JAM3: variants seen among roughly 807,000 people sequenced by gnomAD.
JAM3 encodes junctional adhesion molecule 3.
JAM3 carries 31 observed loss-of-function variants against 39.4 expected under a neutral mutation model. That is an observed-to-expected ratio of 0.79 (90% CI 0.59 to 1.06). The LOEUF (loss-of-function observed/expected upper bound fraction) is 1.06. Among genes scored for constraint, JAM3 ranks in the 50% least tolerant of loss-of-function variants. The pLI is 0.00. For synonymous variants in JAM3, 182 were observed against 148.7 expected (o/e 1.22, Z -1.63); for missense variants, 455 against 391.4 (o/e 1.16, Z -1.37).
intron 1 of JAM3, among the ~76,000 whole-genome samples, chr11:134,107,129 A>C (rs1401913424): frequency 1.3e-5 from 2 of 152,248 alleles, no homozygotes; most frequent in Non-Finnish European, 2.9e-5. Context: ...TGGCACATAT[A>C]CACCATGGAA....
chr11:134,149,021 C>G, intron 8 of JAM3, 125 bp from the exon 9 acceptor site: 1 of 1,188,368 alleles, frequency 8.4e-7, no homozygotes, highest in South Asian at 1.2e-5. Context: ...TTTGCAAGCG[C>G]TAGTGATGGT....
intron 1 of JAM3, among the ~76,000 whole-genome samples, chr11:134,111,674 G>A (rs1942314220): frequency 6.6e-6 from 1 of 152,104 alleles, no homozygotes; most frequent in Non-Finnish European, 1.5e-5. Flanking sequence ...GAATAAGGAA[G>A]AAAATGGGAA....
intron 1 of JAM3, among the ~76,000 whole-genome samples, chr11:134,091,836 GTT>G (rs36015656): frequency 0.15 from 21,913 of 141,412 alleles, 1,792 homozygotes; most frequent in African/African-American, 0.22. Context: ...GGGGGTGTGG[GTT>G]TTTTTTTTTT....
intron 1 of JAM3, among the ~76,000 whole-genome samples, chr11:134,095,239 A>G (rs1941957082): frequency 2.0e-5 from 3 of 152,212 alleles, no homozygotes; most frequent in South Asian, 2.1e-4. Context: ...GAAGAAATAC[A>G]CCTGTTAGGA....
At chr11:134,078,911 C>A (rs531360929) in intron 1 of JAM3, among the ~76,000 whole-genome samples, 1 of 152,090 alleles carries the variant, frequency 6.6e-6, no homozygotes, top group African/African-American at 2.4e-5. Flanking sequence ...TGGTGACATG[C>A]GCCTGTAATC....
chr11:134,126,610 G>A (rs1383626276), intron 1 of JAM3: 1 of 152,210 alleles, frequency 6.6e-6, no homozygotes, highest in East Asian at 1.9e-4. Context: ...GTTCAAACAT[G>A]AGCACACAGA....
intron 6 of JAM3, among the ~76,000 whole-genome samples, chr11:134,146,536 A>C (rs1038955567): frequency 9.2e-5 from 14 of 151,958 alleles, no homozygotes; most frequent in Admixed American, 7.2e-4. Context: ...GGATGTGTCC[A>C]AATCACTTGG....
At chr11:134,096,049 C>G (rs1941976264) in intron 1 of JAM3, among the ~76,000 whole-genome samples, 1 of 152,012 alleles carries the variant, frequency 6.6e-6, no homozygotes, top group African/African-American at 2.4e-5. Context: ...CGATCTTGGC[C>G]CATTGCAACC....
At chr11:134,099,497 T>C (rs569462011) in intron 1 of JAM3, among the ~76,000 whole-genome samples, 6 of 152,372 alleles carry the variant, frequency 3.9e-5, no homozygotes, top group Non-Finnish European at 7.3e-5. Flanking sequence ...AGACAGTATT[T>C]GTCATCTGTA....
rs1491438217 is a variant in JAM3, at chr11:134,148,954, TAA to T, written c.897+137_897+138del. On this transcript the variant is annotated intron_variant, in intron 8 of 8. Coordinates refer to ENST00000299106, the MANE Select transcript of JAM3 (RefSeq NM_032801.5). ...CCTGAGCTCCTCAGCCCCTTCACAG[TAA>T]CACACACACACACACACACACACAC... The T allele has an allele frequency of 3.3e-3, 2,531 of 761,904 alleles. 18 individuals carry two copies. Among genetic ancestry groups the T allele is most frequent in the African/African-American group, 0.011 (523 of 47,818 alleles). The allele number at this position is 761,904 out of a possible 1,614,324, so 47.2% of individuals were successfully genotyped here. A position where few individuals can be genotyped will look rare whatever the true frequency, so the allele number is the denominator to read the frequency against.
In JAM3 at chr11:134,114,035, GGTTT is replaced by G. The variant is rs566573045; in HGVS notation, c.77-25807_77-25804del. Among the ~76,000 whole-genome samples the G allele has an allele frequency of 5.5e-3, 828 of 150,938 alleles. 2 individuals are homozygous for G. Among genetic ancestry groups the G allele is most frequent in the African/African-American group, 0.016 (650 of 41,308 alleles). ...CATATCCTTTGCCCACTTGTTGATG[GGTTT>G]GTTTGTTTTTTTCTTGTAAATTTGT... On this transcript the variant is annotated intron_variant, in intron 1 of 8. Transcript: ENST00000299106.
chr11:134,069,184 G>A, intron 1 of JAM3, 25 bp downstream of exon 1: 1 of 1,610,384 alleles, frequency 6.2e-7, no homozygotes, highest in Non-Finnish European at 8.5e-7. Flanking sequence ...TTCCGCTGTT[G>A]GGAGACTAGG....
At chr11:134,123,998 C>G in intron 1 of JAM3, 1 of 1,511,878 alleles carries the variant, frequency 6.6e-7, no homozygotes, top group Non-Finnish European at 9.2e-7. Flanking sequence ...GTGCAACCAG[C>G]ACAGGTGCCC....
At chr11:134,079,821 A>G (rs1941634078) in intron 1 of JAM3, among the ~76,000 whole-genome samples, 1 of 152,228 alleles carries the variant, frequency 6.6e-6, no homozygotes, top group East Asian at 1.9e-4. Flanking sequence ...TTTGTTAATT[A>G]TAATTGCATT....
chr11:134,127,581 TC>T (rs1942674288), intron 1 of JAM3, among the ~76,000 whole-genome samples: 1 of 152,154 alleles, frequency 6.6e-6, no homozygotes, highest in Non-Finnish European at 1.5e-5. Flanking sequence ...ATGTCTGTAG[TC>T]CCAGCTACTC....
At chr11:134,073,587 TTGAG>T (rs924022564) in intron 1 of JAM3, among the ~76,000 whole-genome samples, 11 of 152,230 alleles carry the variant, frequency 7.2e-5, no homozygotes, top group African/African-American at 2.7e-4. Context: ...CACCCATTTA[TTGAG>T]TATCTATGAC....
chr11:134,141,598 GC>G (rs1942973326), intron 3 of JAM3, among the ~76,000 whole-genome samples: 1 of 152,122 alleles, frequency 6.6e-6, no homozygotes, highest in African/African-American at 2.4e-5. Flanking sequence ...GACTGAAGTG[GC>G]TGCTGTAGAG....
intron 1 of JAM3, among the ~76,000 whole-genome samples, chr11:134,076,802 G>C (rs1208461662): frequency 7.0e-6 from 1 of 143,580 alleles, no homozygotes; most frequent in Admixed American, 6.9e-5. Context: ...CTCCCAAATA[G>C]CTTTCTTTGC....
At position 134,149,373 on chromosome 11, in the gene JAM3, G is replaced by A. The variant is rs1490138439; in HGVS notation, c.*192G>A. On this transcript the variant is annotated 3_prime_UTR_variant, in exon 9 of 9. Coordinates refer to ENST00000299106, the MANE Select transcript of JAM3 (RefSeq NM_032801.5). ...ACATGAATAGAAGAATTTTCCTCAA[G>A]ATGGACCCGGTAAATATAACCACAA... 5 of 663,664 alleles carry A rather than the reference G, an allele frequency of 7.5e-6. No homozygotes were observed. The Admixed American group carries it at 9.3e-5, about 12-fold the overall frequency. 41.1% of individuals were successfully genotyped at this position (663,664 alleles called of 1,614,324 possible).
Sources: gnomAD v4.1 joint callset for allele counts (sites outside exome capture counted in the v4.1 genomes callset) on GRCh38, gnomAD v4.1.1 for gene constraint, MANE v1.5 for transcripts, NCBI Gene and HGNC (gene_info 2026-07-23, HGNC 2026-07-21) for gene names.